The following PCDH15 variants were observed in gnomAD, a reference collection of about 807,000 sequenced individuals.
PCDH15 encodes protocadherin related 15.
A neutral mutation model predicts 178.5 loss-of-function variants in PCDH15; 129 were observed. The observed-to-expected ratio is 0.72, with a 90% confidence interval of 0.63 to 0.84. The LOEUF (loss-of-function observed/expected upper bound fraction) is 0.84. PCDH15 is among the 40% of genes least tolerant of loss of function. The pLI is 0.00. For missense variants in PCDH15, 2,230 were observed against 2,099.9 expected (o/e 1.06, Z -1.21); for synonymous variants, 800 against 732.0 (o/e 1.09, Z -1.50).
chr10:55,538,386 C>T (rs1841635043), intron 2 of PCDH15, among the ~76,000 whole-genome samples: 1 of 148,856 alleles, frequency 6.7e-6, no homozygotes, highest in Non-Finnish European at 1.5e-5. Context: ...TCCTTCCTTC[C>T]TTCCTTCCTT....
chr10:54,997,013 A>T (rs1180920232), intron 2 of PCDH15, among the ~76,000 whole-genome samples: 2 of 151,706 alleles, frequency 1.3e-5, no homozygotes, highest in African/African-American at 2.4e-5. Context: ...GGAGGCCGAG[A>T]CAGAAGAATT....
rs73257843 is a variant in PCDH15 at position 55,104,078 on chromosome 10, C to T, written c.-80+62498G>A. Among the ~76,000 whole-genome samples the T allele has an allele frequency of 2.9e-3, 447 of 152,184 alleles. 2 individuals carry two copies. The highest frequency in any genetic ancestry group is 0.01 in the African/African-American group (424 of 41,490). On this transcript the variant is annotated intron_variant, in intron 2 of 5. Coordinates refer to the PCDH15 transcript ENST00000458638. The stretch of plus-strand genomic sequence containing the variant: ...CCACACATATACATACATACACACA[C>T]ACACACAAAATAAACAAAACAATTT...
At chr10:55,554,983 G>A (rs1029999917) in intron 2 of PCDH15, among the ~76,000 whole-genome samples, 6 of 151,822 alleles carry the variant, frequency 4.0e-5, no homozygotes, top group South Asian at 4.2e-4. Context: ...TATGGGTTTG[G>A]GAAAGTCTAG....
intron 26 of PCDH15, among the ~76,000 whole-genome samples, chr10:53,872,836 T>C (rs1340321099): frequency 6.6e-6 from 1 of 152,198 alleles, no homozygotes; most frequent in African/African-American, 2.4e-5. Flanking sequence ...AAATGTGAGA[T>C]CTCTCAGCTT....
intron 25 of PCDH15, among the ~76,000 whole-genome samples, chr10:53,927,558 T>C (rs2084673454): frequency 6.6e-6 from 1 of 152,086 alleles, no homozygotes; most frequent in African/African-American, 2.4e-5. Flanking sequence ...ATATAAACGA[T>C]AAATATCAAA....
rs193186244 is a variant in PCDH15, at chr10:53,808,694, A to G, written c.4672-1564T>C. On this transcript the variant is annotated intron_variant, in intron 37 of 37. Coordinates refer to ENST00000644397, the MANE Select transcript of PCDH15 (RefSeq NM_001384140.1). ...ACTTCCACCTACTGTGATCTCTTTC[A>G]AAGTGCTGTGTTGTAACCTTCAGAG... The G allele has an allele frequency of 3.3e-4, 536 of 1,611,832 alleles. No homozygotes were observed. The highest frequency in any genetic ancestry group is 4.2e-4 in the Non-Finnish European group (497 of 1,178,896).
At chr10:55,119,746 T>G (rs895969570) in intron 2 of PCDH15, among the ~76,000 whole-genome samples, 4 of 152,176 alleles carry the variant, frequency 2.6e-5, no homozygotes, top group African/African-American at 9.7e-5. Flanking sequence ...GAAGTAATAT[T>G]GGGAAAATAC....
chr10:54,135,966 T>C (rs1295742224), intron 14 of PCDH15, among the ~76,000 whole-genome samples: 1 of 152,194 alleles, frequency 6.6e-6, no homozygotes, highest in Non-Finnish European at 1.5e-5. Flanking sequence ...ATAACTTATT[T>C]TAATAAATTA....
intron 1 of PCDH15, among the ~76,000 whole-genome samples, chr10:55,216,507 A>G (rs982573375): frequency 6.6e-6 from 1 of 151,842 alleles, no homozygotes; most frequent in Non-Finnish European, 1.5e-5. Flanking sequence ...ACATAGTAGA[A>G]ATAAGTTCTG....
chr10:54,338,411 T>A (rs1227903628), intron 6 of PCDH15, among the ~76,000 whole-genome samples: 2 of 152,214 alleles, frequency 1.3e-5, no homozygotes, highest in Non-Finnish European at 1.5e-5. Flanking sequence ...AAATTTGGAC[T>A]TTGACATATA....
intron 15 of PCDH15, among the ~76,000 whole-genome samples, chr10:54,105,299 T>C (rs1393174455): frequency 1.0e-5 from 1 of 97,932 alleles, no homozygotes; most frequent in Non-Finnish European, 2.0e-5. Flanking sequence ...TATATATATA[T>C]ATATATATAT....
chr10:54,961,768 C>T lies in PCDH15; in HGVS notation c.-79-64268G>A, dbSNP rs149402538. ...CCTGCAGAAAGGTCCTAATCACTTT[C>T]GGTCTCCTCTACTCTCACTGGGACA... is the stretch of plus-strand genomic sequence containing the variant. On this transcript the variant is annotated intron_variant, in intron 2 of 5. Transcript: ENST00000458638. 2.4e-3 allele frequency among the ~76,000 whole-genome samples: 372 copies of T among 151,896 alleles called. 8 individuals are homozygous for T. The highest frequency in any genetic ancestry group is 9.7e-4 in the Non-Finnish European group (66 of 67,938).
At chr10:54,246,298 A>G (rs2055916271) in intron 8 of PCDH15, among the ~76,000 whole-genome samples, 2 of 151,946 alleles carry the variant, frequency 1.3e-5, no homozygotes, top group South Asian at 4.1e-4. Context: ...ATCTCAGAAA[A>G]CCACTTATTA....
At chr10:55,006,052 G>T (rs188651497) in intron 2 of PCDH15, among the ~76,000 whole-genome samples, 58 of 151,982 alleles carry the variant, frequency 3.8e-4, no homozygotes, top group African/African-American at 1.3e-3. Flanking sequence ...TTCAATCAGG[G>T]TAATTAACTT....
chr10:54,791,441 G>A (rs867498470), intron 1 of PCDH15, among the ~76,000 whole-genome samples: 1 of 151,858 alleles, frequency 6.6e-6, no homozygotes, highest in Non-Finnish European at 1.5e-5. Context: ...CAGTCCCTTA[G>A]AAACCTTGAC....
intron 3 of PCDH15, among the ~76,000 whole-genome samples, chr10:54,384,370 CTTTT>C (rs1179512509): frequency 1.3e-5 from 2 of 149,910 alleles, no homozygotes; most frequent in Admixed American, 1.3e-4. Context: ...TGTGAAATTC[CTTTT>C]TTTAGTGAAA....
In PCDH15 at chr10:54,372,189, C is replaced by T. The variant is rs111489866; in HGVS notation, c.319-2914G>A. Among the ~76,000 whole-genome samples, 677 of 151,932 alleles carry T rather than the reference C, an allele frequency of 4.5e-3. 3 individuals carry two copies. Among genetic ancestry groups the T allele is most frequent in the African/African-American group, 0.015 (639 of 41,504 alleles). On this transcript the variant is annotated intron_variant, in intron 4 of 37. Coordinates refer to ENST00000644397, the MANE Select transcript of PCDH15 (RefSeq NM_001384140.1). The stretch of plus-strand genomic sequence containing the variant: ...TGCACTTTTAAAGTTATTTATCTTC[C>T]AATTATTGCAAGAGAGACCTATAAA...
At chr10:54,726,142 A>G (rs1050594378) in intron 1 of PCDH15, among the ~76,000 whole-genome samples, 1 of 151,094 alleles carries the variant, frequency 6.6e-6, no homozygotes, top group African/African-American at 2.4e-5. Flanking sequence ...GAGCAGCAAT[A>G]CTACATGCCT....
chr10:54,877,481 C>T (rs1005536781), intron 3 of PCDH15, among the ~76,000 whole-genome samples: 1 of 152,054 alleles, frequency 6.6e-6, no homozygotes, highest in Non-Finnish European at 1.5e-5. Context: ...AATTTACTTG[C>T]TAAAGAAAAC....
Sources: allele counts gnomAD v4.1 joint callset (sites outside exome capture counted in the v4.1 genomes callset), GRCh38; gene constraint gnomAD v4.1.1; transcripts MANE v1.5; gene names NCBI Gene and HGNC (gene_info 2026-07-23, HGNC 2026-07-21).